KAZN: variants seen among roughly 807,000 people sequenced by gnomAD.
The protein encoded by KAZN is kazrin.
KAZN carries 40 observed loss-of-function variants against 87.4 expected under a neutral mutation model. The ratio of observed to expected loss-of-function variants is 0.46; its 90% CI spans 0.36 to 0.60. KAZN has a LOEUF of 0.60. KAZN is among the 20% of genes least tolerant of loss of function. The pLI is 0.00. For missense variants in KAZN, 898 were observed against 1,073.9 expected (o/e 0.84, Z 2.29); for synonymous variants, 466 against 458.3 (o/e 1.02, Z -0.22).
chr1:14,365,878 T>C (rs1265922733), intron 2 of KAZN, among the ~76,000 whole-genome samples: 1 of 152,110 alleles, frequency 6.6e-6, no homozygotes, highest in African/African-American at 2.4e-5. Context: ...AGATAGATAT[T>C]CCTCTTATGG....
intron 2 of KAZN, among the ~76,000 whole-genome samples, chr1:14,423,190 G>T (rs1171004839): frequency 6.6e-6 from 1 of 152,146 alleles, no homozygotes; most frequent in East Asian, 1.9e-4. Flanking sequence ...TGATGACAAG[G>T]CTCTGGACTG....
rs145765509 is a variant in KAZN at position 14,605,806 on chromosome 1, C to T, written c.226+6583C>T. 1.9e-3 allele frequency among the ~76,000 whole-genome samples: 292 copies of T among 152,054 alleles called. 8 individuals carry two copies. The East Asian group carries it at 0.038, about 20-fold the overall frequency. On this transcript the variant is annotated intron_variant, in intron 1 of 14. Coordinates refer to ENST00000376030, the MANE Select transcript of KAZN (RefSeq NM_201628.3). ...TCTTCCAGGTCAACTATGTAATGCC[C>T]GTTTTTCAAAAGAGGAAACTGAGTC...
chr1:14,798,407 GTTTCTTTCCTTTTTTTTT>G (rs1645895771), intron 1 of KAZN, among the ~76,000 whole-genome samples: 1 of 111,212 alleles, frequency 9.0e-6, no homozygotes, highest in Non-Finnish European at 1.9e-5. Flanking sequence ...TCTTTTTTCT[GTTTCTTTCCTTTTTTTTT>G]TTTTTTTTTT....
chr1:15,063,683 A>G (rs1638989721), intron 7 of KAZN, 61 bp downstream of exon 7: 1 of 1,320,950 alleles, frequency 7.6e-7, no homozygotes, highest in African/African-American at 1.5e-5. Context: ...CTACAACTTC[A>G]CCCTCTGTTC....
At chr1:14,870,832 G>T (rs951400061) in intron 1 of KAZN, among the ~76,000 whole-genome samples, 3 of 152,116 alleles carry the variant, frequency 2.0e-5, no homozygotes, top group African/African-American at 4.8e-5. Flanking sequence ...TTACATATAT[G>T]AATCTTACTC....
At chr1:14,106,028 A>G (rs1644366906) in intron 1 of KAZN, among the ~76,000 whole-genome samples, 1 of 152,226 alleles carries the variant, frequency 6.6e-6, no homozygotes, top group Admixed American at 6.5e-5. Flanking sequence ...GCAACATAAT[A>G]TTTTGGAGAA....
At chr1:14,089,542 C>T (rs1445569347) in intron 1 of KAZN, among the ~76,000 whole-genome samples, 1 of 152,060 alleles carries the variant, frequency 6.6e-6, no homozygotes, top group Non-Finnish European at 1.5e-5. Flanking sequence ...ATTGTCAGAA[C>T]CTTGTAGCAC....
intron 1 of KAZN, among the ~76,000 whole-genome samples, chr1:14,839,652 GT>G (rs1174816772): frequency 1.4e-4 from 21 of 152,150 alleles, no homozygotes; most frequent in Non-Finnish European, 2.4e-4. Flanking sequence ...TAATCTACCT[GT>G]TTGTGTGTTT....
intron 1 of KAZN, among the ~76,000 whole-genome samples, chr1:14,827,521 T>C (rs533953093): frequency 2.7e-4 from 41 of 152,296 alleles, no homozygotes; most frequent in African/African-American, 8.7e-4. Flanking sequence ...GCTTTTCCAT[T>C]AGGGGCAGGG....
rs375196378 is a variant in KAZN at position 14,006,463 on chromosome 1, C to T, written c.91+112707C>T. Among the ~76,000 whole-genome samples the T allele has an allele frequency of 1.6e-4, 24 of 152,240 alleles. No individual in the cohort carries two copies. The East Asian group carries it at 2.3e-3, about 15-fold the overall frequency. On this transcript the variant is annotated intron_variant, in intron 1 of 16. Transcript: ENST00000636203. ...ACCAGCTCCCAGGGGAAATTTTCTA[C>T]GAATTTTACAGTTTCAGTCCTTGTG...
chr1:14,476,250 C>T (rs575264671), intron 2 of KAZN, among the ~76,000 whole-genome samples: 12 of 152,350 alleles, frequency 7.9e-5, no homozygotes, highest in Non-Finnish European at 1.3e-4. Flanking sequence ...ATTCATTCTC[C>T]TCCCTCCCTG....
chr1:14,921,153 AACACAC>A (rs55766387), intron 1 of KAZN, among the ~76,000 whole-genome samples: 43 of 144,504 alleles, frequency 3.0e-4, no homozygotes, highest in African/African-American at 9.5e-4. Flanking sequence ...CTGAGCATGC[AACACAC>A]ACACACACAC....
chr1:14,709,906 G>T (rs1000885523), intron 1 of KAZN, among the ~76,000 whole-genome samples: 5 of 152,114 alleles, frequency 3.3e-5, no homozygotes, highest in Admixed American at 3.3e-4. Context: ...GAGAGGTTAA[G>T]ATACTTACCC....
chr1:14,203,286 C>G (rs1172546417), intron 2 of KAZN, among the ~76,000 whole-genome samples: 1 of 152,082 alleles, frequency 6.6e-6, no homozygotes, highest in African/African-American at 2.4e-5. Flanking sequence ...TCAATAAATA[C>G]TTCATTAGAA....
intron 2 of KAZN, among the ~76,000 whole-genome samples, chr1:14,435,417 A>G (rs1666323422): frequency 6.6e-6 from 1 of 152,192 alleles, no homozygotes; most frequent in South Asian, 2.1e-4. Flanking sequence ...CCAATGGCAA[A>G]TGCAAGGAGG....
chr1:15,087,890 C>A lies in KAZN; in HGVS notation c.1223-6290C>A, dbSNP rs759507933. On this transcript the variant is annotated intron_variant, in intron 8 of 14. Coordinates refer to ENST00000376030, the MANE Select transcript of KAZN (RefSeq NM_201628.3). ...TGCACACATCATTTCATTTCATCCT[C>A]ACACCATCCTGTGAGATTAAGCGTT... Among the ~76,000 whole-genome samples the A allele has an allele frequency of 2.0e-5, 3 of 152,208 alleles. No homozygotes were observed. The East Asian group carries it at 5.8e-4, about 29-fold the overall frequency.
rs185542328 is a variant in KAZN, at chr1:14,183,945, G to A, written c.249+3353G>A. On this transcript the variant is annotated intron_variant, in intron 2 of 16. Transcript: ENST00000636203. ...CCTGGGTCTGGACAGGAAGTGGGTA[G>A]CCTCTTTGCCTAAAACTTGGCCTGT... Among the ~76,000 whole-genome samples, 297 of 152,116 alleles carry A rather than the reference G, an allele frequency of 2.0e-3. 2 individuals are homozygous for A. Among genetic ancestry groups the A allele is most frequent in the Admixed American group, 5.3e-3 (81 of 15,290 alleles).
At chr1:14,218,053 A>G (rs969687073) in intron 2 of KAZN, among the ~76,000 whole-genome samples, 1 of 152,104 alleles carries the variant, frequency 6.6e-6, no homozygotes, top group East Asian at 1.9e-4. Context: ...CAAATTAACT[A>G]GAGAGTTATT....
intron 1 of KAZN, among the ~76,000 whole-genome samples, chr1:14,158,461 A>T (rs571910340): frequency 3.0e-4 from 45 of 152,116 alleles, no homozygotes; most frequent in African/African-American, 1.0e-3. Flanking sequence ...ATTTTTTAAG[A>T]ATTATTTCAA....
Sources: gnomAD v4.1 joint callset for allele counts (sites outside exome capture counted in the v4.1 genomes callset) on GRCh38, gnomAD v4.1.1 for gene constraint, MANE v1.5 for transcripts, NCBI Gene and HGNC (gene_info 2026-07-23, HGNC 2026-07-21) for gene names.